The following CPEB3 variants were observed in gnomAD, a reference collection of about 807,000 sequenced individuals.
The protein encoded by CPEB3 is cytoplasmic polyadenylation element binding protein 3, also known as cytoplasmic polyadenylation element-binding protein 3.
Under a neutral mutation model 67.2 loss-of-function variants are expected in CPEB3, and 20 were observed. The ratio of observed to expected loss-of-function variants is 0.30; its 90% CI spans 0.21 to 0.43. The LOEUF is 0.43. CPEB3 is among the 20% of genes least tolerant of loss of function. The pLI, the probability that CPEB3 is intolerant of heterozygous loss-of-function variation, is 1.00. For synonymous variants in CPEB3, 376 were observed against 393.1 expected, an observed-to-expected ratio of 0.96 and a Z score of 0.51; for missense variants, 746 against 968.6, an observed-to-expected ratio of 0.77 and a Z score of 3.05.
In CPEB3 at chr10:92,240,235, G is replaced by C; in HGVS notation, c.116C>G (p.Pro39Arg). 3 of 1,508,762 alleles carry C rather than the reference G, an allele frequency of 2.0e-6. No homozygotes were observed. The highest frequency in any genetic ancestry group is 2.7e-6 in the Non-Finnish European group (3 of 1,127,000). The allele number at this position is 1,508,762 out of a possible 1,614,324, so 93.5% of individuals were successfully genotyped here. The stretch of plus-strand genomic sequence containing the variant: ...CGGCTTGGGGGTCTCTGAGGAGAGG[G>C]GCGTGGACGGGGCTTCGGATACGCT... The part of the protein sequence containing the change: ...ESSVSEAPST[P>R]LSSETPKPEE... Residue 39 changes from proline (P) to arginine (R), a missense_variant, in exon 2 of 10, where the codon CCC becomes CGC. Coordinates refer to ENST00000265997, the MANE Select transcript of CPEB3 (RefSeq NM_014912.5).
chr10:92,156,233 A>G (rs1487739360), intron 4 of CPEB3, among the ~76,000 whole-genome samples: 1 of 152,184 alleles, frequency 6.6e-6, no homozygotes, highest in African/African-American at 2.4e-5. Flanking sequence ...TAAAATAAGG[A>G]TAGTTCTTAG....
chr10:92,125,019 G>T (rs1845548773), intron 6 of CPEB3, among the ~76,000 whole-genome samples: 1 of 152,224 alleles, frequency 6.6e-6, no homozygotes, highest in South Asian at 2.1e-4. Context: ...CACAAACCAT[G>T]CTGGTATTGC....
intron 2 of CPEB3, among the ~76,000 whole-genome samples, chr10:92,212,677 T>C (rs1208395110): frequency 6.6e-6 from 1 of 152,220 alleles, no homozygotes; most frequent in Non-Finnish European, 1.5e-5. Flanking sequence ...TTTCAAAGAC[T>C]TAGTACAAAA....
intron 9 of CPEB3, among the ~76,000 whole-genome samples, chr10:92,077,756 A>G (rs1842989443): frequency 6.8e-6 from 1 of 147,754 alleles, no homozygotes; most frequent in Admixed American, 6.8e-5. Flanking sequence ...AAAAGGGAAG[A>G]AGAGGAGAGA....
intron 1 of CPEB3, among the ~76,000 whole-genome samples, chr10:92,284,317 A>G (rs12358765): frequency 0.24 from 36,166 of 150,498 alleles, 4,941 homozygotes; most frequent in Middle Eastern, 0.34. Context: ...GATTACATGC[A>G]TGAGCCACCA....
At chr10:92,161,422 C>T (rs1006006268) in intron 4 of CPEB3, among the ~76,000 whole-genome samples, 1 of 151,962 alleles carries the variant, frequency 6.6e-6, no homozygotes, top group Admixed American at 6.6e-5. Flanking sequence ...CAGGTGCCTG[C>T]CACCTTGCCC....
chr10:92,276,818 G>A (rs1170574706), intron 1 of CPEB3, among the ~76,000 whole-genome samples: 1 of 152,108 alleles, frequency 6.6e-6, no homozygotes, highest in Non-Finnish European at 1.5e-5. Flanking sequence ...GTACATGAGG[G>A]TTCCAATTTC....
intron 1 of CPEB3, among the ~76,000 whole-genome samples, chr10:92,263,092 T>C (rs895787566): frequency 6.6e-6 from 1 of 152,174 alleles, no homozygotes; most frequent in Non-Finnish European, 1.5e-5. Context: ...TTGTTGTTGT[T>C]GGAGACAGTC....
intron 2 of CPEB3, chr10:92,216,882 A>G: frequency 8.2e-7 from 1 of 1,212,254 alleles, no homozygotes; most frequent in South Asian, 1.3e-5. Context: ...ACCCACACTG[A>G]CGGCATCTTC....
intron 2 of CPEB3, among the ~76,000 whole-genome samples, chr10:92,220,129 T>G (rs1850621346): frequency 6.6e-6 from 1 of 151,786 alleles, no homozygotes; most frequent in Non-Finnish European, 1.5e-5. Flanking sequence ...CACTCCAGAC[T>G]AGGCAATAAA....
Position 92,145,027 on chromosome 10 carries a change from G to A in CPEB3, c.1281C>T (p.Pro427=), listed in dbSNP as rs550317810. ...CTCGTTCCCCATTTTGACAGCGAGT[G>A]GGAGAACTTAAGCCAGATGACAAGG... is the stretch of plus-strand genomic sequence containing the variant. The part of the protein sequence containing the change: ...DQALSSGLSS[P]TRCQNGERVE... Residue 427 remains proline (P), a synonymous_variant, in exon 5 of 10, where the codon CCC becomes CCT. Coordinates refer to ENST00000265997, the MANE Select transcript of CPEB3 (RefSeq NM_014912.5). The A allele has an allele frequency of 1.2e-6, 2 of 1,613,978 alleles. No homozygotes were observed. Among genetic ancestry groups the A allele is most frequent in the East Asian group, 4.5e-5 (2 of 44,868 alleles).
At chr10:92,135,516 T>C (rs1846049649) in intron 6 of CPEB3, among the ~76,000 whole-genome samples, 2 of 152,176 alleles carry the variant, frequency 1.3e-5, no homozygotes, top group African/African-American at 2.4e-5. Flanking sequence ...AAACAACAGA[T>C]GCTGGAGAGG....
chr10:92,159,128 T>C (rs921442169), intron 4 of CPEB3, among the ~76,000 whole-genome samples: 1 of 151,502 alleles, frequency 6.6e-6, no homozygotes, highest in African/African-American at 2.4e-5. Flanking sequence ...CCGGGCGCGG[T>C]GGCTCACACC....
At position 92,057,339 on chromosome 10, in the gene CPEB3, T is replaced by C. The variant is rs371696266; in HGVS notation, c.1870-4900A>G. Among the ~76,000 whole-genome samples the C allele has an allele frequency of 1.1e-4, 17 of 152,242 alleles. No homozygotes were observed. In the East Asian group the frequency reaches 1.7e-3, roughly 16 times the overall value. ...TACTTCTCATGGCTTGGGGTGGCGG[T>C]GGCTGAAAAGTAAGACTCCTCTGCC... is the stretch of plus-strand genomic sequence containing the variant. On this transcript the variant is annotated intron_variant, in intron 9 of 9. Transcript: ENST00000265997.
intron 2 of CPEB3, among the ~76,000 whole-genome samples, chr10:92,221,385 C>T (rs781601745): frequency 5.9e-5 from 9 of 152,058 alleles, no homozygotes; most frequent in Non-Finnish European, 1.2e-4. Context: ...CCCAGCTACT[C>T]GGGAGGCTGA....
intron 6 of CPEB3, among the ~76,000 whole-genome samples, chr10:92,140,167 T>A (rs145754382): frequency 0.015 from 2,197 of 151,342 alleles, 49 homozygotes; most frequent in African/African-American, 0.05. Flanking sequence ...AGAGCCCACA[T>A]CGCCAAGTCA....
chr10:92,215,079 C>G (rs1007227072), intron 2 of CPEB3, among the ~76,000 whole-genome samples: 1 of 151,952 alleles, frequency 6.6e-6, no homozygotes, highest in African/African-American at 2.4e-5. Context: ...AACTCCTGAC[C>G]TCAAGTGATC....
intron 7 of CPEB3, among the ~76,000 whole-genome samples, chr10:92,096,239 G>A (rs1843872189): frequency 6.6e-6 from 1 of 151,908 alleles, no homozygotes; most frequent in South Asian, 2.1e-4. Flanking sequence ...ATAGTAGAAC[G>A]ACTATTTATA....
intron 1 of CPEB3, among the ~76,000 whole-genome samples, chr10:92,289,838 T>C (rs957222231): frequency 2.2e-5 from 3 of 134,494 alleles, no homozygotes; most frequent in African/African-American, 8.2e-5. Context: ...ATATTATATA[T>C]AATACAAATA....
Sources: gnomAD v4.1 joint callset for allele counts (sites outside exome capture counted in the v4.1 genomes callset) on GRCh38, gnomAD v4.1.1 for gene constraint, MANE v1.5 for transcripts, NCBI Gene and HGNC (gene_info 2026-07-23, HGNC 2026-07-21) for gene names.